The following MED27 variants were observed in gnomAD, a reference collection of about 807,000 sequenced individuals.
MED27 encodes the protein mediator complex subunit 27.
In MED27, 30 loss-of-function variants were observed where a neutral mutation model predicts 38.2. That is an observed-to-expected ratio of 0.79 (90% CI 0.59 to 1.07). The LOEUF (loss-of-function observed/expected upper bound fraction) is 1.07. Ranked by LOEUF, MED27 falls within the 50% of genes least tolerant of loss-of-function variation. The probability of loss-of-function intolerance (pLI) is 0.00; values close to 1 mark genes in which losing one functional copy is unlikely to be tolerated. For missense variants in MED27, 289 were observed against 397.5 expected, an observed-to-expected ratio of 0.73 and a Z score of 2.32; for synonymous variants, 122 against 153.5, an observed-to-expected ratio of 0.79 and a Z score of 1.52.
intron 3 of MED27, among the ~76,000 whole-genome samples, chr9:131,992,077 C>G (rs1831987892): frequency 6.6e-6 from 1 of 152,170 alleles, no homozygotes; most frequent in South Asian, 2.1e-4. Context: ...GTAAGTTCAC[C>G]TGGTGACATC....
intron 3 of MED27, among the ~76,000 whole-genome samples, chr9:131,955,632 G>C (rs1831081106): frequency 6.6e-6 from 1 of 152,198 alleles, no homozygotes; most frequent in Non-Finnish European, 1.5e-5. Flanking sequence ...CTCTTCGACA[G>C]CTAGACGAAG....
chr9:131,981,775 G>A (rs968903105), intron 3 of MED27, among the ~76,000 whole-genome samples: 1 of 152,222 alleles, frequency 6.6e-6, no homozygotes, highest in Non-Finnish European at 1.5e-5. Flanking sequence ...GGAGCTCAGG[G>A]AGAGGGGGCA....
chr9:131,874,103 C>T (rs73548887), intron 6 of MED27, among the ~76,000 whole-genome samples: 5 of 152,202 alleles, frequency 3.3e-5, no homozygotes, highest in Admixed American at 3.3e-4. Flanking sequence ...TCCCTTCAGC[C>T]CCCACCTTCC....
At chr9:131,878,463 A>T (rs1198107211) in intron 6 of MED27, among the ~76,000 whole-genome samples, 2 of 152,124 alleles carry the variant, frequency 1.3e-5, no homozygotes, top group Non-Finnish European at 2.9e-5. Flanking sequence ...CTCTGCAATG[A>T]CTGTGGATGG....
chr9:132,039,992 A>C (rs1833172677), intron 2 of MED27, among the ~76,000 whole-genome samples: 1 of 152,218 alleles, frequency 6.6e-6, no homozygotes, highest in Admixed American at 6.5e-5. Context: ...AAGTATCAAT[A>C]AAAAAGTGGG....
At chr9:131,969,138 G>T (rs77549093) in intron 3 of MED27, among the ~76,000 whole-genome samples, 1 of 152,056 alleles carries the variant, frequency 6.6e-6, no homozygotes, top group Non-Finnish European at 1.5e-5. Flanking sequence ...CACAATGAAC[G>T]TAACGTGCTT....
chr9:131,919,681 T>C (rs932487447), intron 4 of MED27, among the ~76,000 whole-genome samples: 1 of 152,076 alleles, frequency 6.6e-6, no homozygotes, highest in African/African-American at 2.4e-5. Flanking sequence ...CAGGGAATGC[T>C]CCTAAGAACA....
rs866787918 is a variant in MED27, at chr9:132,051,797, T to C, written c.348+25645A>G. Among the ~76,000 whole-genome samples the C allele has an allele frequency of 6.6e-6, 1 of 152,252 alleles. No homozygotes were observed. The highest frequency in any genetic ancestry group is 1.5e-5 in the Non-Finnish European group (1 of 68,044). On this transcript the variant is annotated intron_variant, in intron 2 of 7. Transcript: ENST00000292035. The surrounding 1 kb of genome is among the most constrained non-coding windows in gnomAD (Gnocchi z 4.2). The stretch of plus-strand genomic sequence containing the variant: ...ATTTCCATCATCACATAAAGTTCTA[T>C]TGGCGAGCACTGCTCTGATCCCAGA...
chr9:131,874,187 A>G (rs1464816711), intron 6 of MED27, among the ~76,000 whole-genome samples: 1 of 152,184 alleles, frequency 6.6e-6, no homozygotes, highest in East Asian at 1.9e-4. Flanking sequence ...GTCTGTGCTC[A>G]AGTGGCCCCT....
At chr9:131,986,320 G>A (rs1039147448) in intron 3 of MED27, among the ~76,000 whole-genome samples, 22 of 152,056 alleles carry the variant, frequency 1.4e-4, no homozygotes, top group Admixed American at 5.2e-4. Flanking sequence ...TGAAGTTCCT[G>A]TCCGGGTGTA....
At position 131,917,233 on chromosome 9, in the gene MED27, C is replaced by T. The variant is rs1044753211; in HGVS notation, c.573+22148G>A. On this transcript the variant is annotated intron_variant, in intron 4 of 7. Coordinates refer to ENST00000292035, the MANE Select transcript of MED27 (RefSeq NM_004269.4). This position sits in a 1 kb window ranked among gnomAD's most constrained non-coding sequence, Gnocchi z 4.6. ...TCCATAGACTGGAACTGAAATTGTT[C>T]CATCCAAACTGCCAACAGTGCCTCC... 6.6e-6 allele frequency among the ~76,000 whole-genome samples: 1 copy of T among 152,100 alleles called. No individual in the cohort carries two copies. Among genetic ancestry groups the T allele is most frequent in the Non-Finnish European group, 1.5e-5 (1 of 68,024 alleles).
intron 2 of MED27, among the ~76,000 whole-genome samples, chr9:132,063,343 G>A (rs1219087151): frequency 6.6e-6 from 1 of 152,194 alleles, no homozygotes; most frequent in African/African-American, 2.4e-5. Context: ...ACGTGACTGA[G>A]AAGGACAACA....
intron 3 of MED27, among the ~76,000 whole-genome samples, chr9:131,950,495 C>T (rs1379604022): frequency 1.3e-5 from 2 of 152,194 alleles, no homozygotes; most frequent in Non-Finnish European, 2.9e-5. Flanking sequence ...TTGCCGCACA[C>T]GTGTAGAACC....
rs74764687 is a variant in MED27 at position 131,912,987 on chromosome 9, C to T, written c.574-18995G>A. Among the ~76,000 whole-genome samples, 852 of 152,324 alleles carry T rather than the reference C, an allele frequency of 5.6e-3. 3 individuals carry two copies. Among genetic ancestry groups the T allele is most frequent in the Non-Finnish European group, 9.7e-3 (663 of 68,036 alleles). On this transcript the variant is annotated intron_variant, in intron 4 of 7. Coordinates refer to ENST00000292035, the MANE Select transcript of MED27 (RefSeq NM_004269.4). ...GAATGGAAACTATAAAATCCTCTCTCCCTTTGAGGGTAGGTACAATCTACA... is the reference window on the plus strand; with the variant it reads ...GAATGGAAACTATAAAATCCTCTCTTCCTTTGAGGGTAGGTACAATCTACA...
Position 132,076,816 on chromosome 9 carries a change from TTC to T in MED27, c.348+624_348+625del, listed in dbSNP as rs142670984. ...TTTCCAGATTCATGAGCCTAATTGTTTCTGTTATTTTTCAGCTACAGTTTAGT... is the reference window on the plus strand; with the variant it reads ...TTTCCAGATTCATGAGCCTAATTGTTTGTTATTTTTCAGCTACAGTTTAGT... On this transcript the variant is annotated intron_variant, in intron 2 of 7. Transcript: ENST00000292035. Among the ~76,000 whole-genome samples, 1,325 of 152,348 alleles carry T rather than the reference TTC, an allele frequency of 8.7e-3. 13 individuals carry two copies. The highest frequency in any genetic ancestry group is 0.03 in the African/African-American group (1,241 of 41,566).
intron 5 of MED27, among the ~76,000 whole-genome samples, chr9:131,890,326 C>G (rs188778609): frequency 6.6e-5 from 10 of 152,294 alleles, no homozygotes; most frequent in African/African-American, 2.2e-4. Flanking sequence ...TGCTTAAGCA[C>G]TGCTTGGGCC....
intron 5 of MED27, among the ~76,000 whole-genome samples, chr9:131,890,802 T>G (rs550631714): frequency 6.6e-6 from 1 of 152,180 alleles, no homozygotes; most frequent in African/African-American, 2.4e-5. Flanking sequence ...AGTTTCTCCA[T>G]GTGTAAGATG....
At chr9:131,877,006 C>T (rs946295002) in intron 6 of MED27, among the ~76,000 whole-genome samples, 3 of 151,910 alleles carry the variant, frequency 2.0e-5, no homozygotes, top group Admixed American at 1.3e-4. Context: ...ATTTAAGAGG[C>T]GGGGAGATGG....
intron 2 of MED27, among the ~76,000 whole-genome samples, chr9:132,075,585 T>C (rs770157811): frequency 1.3e-5 from 2 of 152,244 alleles, no homozygotes; most frequent in Non-Finnish European, 2.9e-5. Flanking sequence ...TAGGAACTTC[T>C]AATAGTAGAA....
Sources: allele counts gnomAD v4.1 joint callset (sites outside exome capture counted in the v4.1 genomes callset), GRCh38; gene constraint gnomAD v4.1.1; non-coding constraint Gnocchi (gnomAD v3.1); transcripts MANE v1.5; gene names NCBI Gene and HGNC (gene_info 2026-07-23, HGNC 2026-07-21).